The following PIGK variants were observed in gnomAD, a reference collection of about 807,000 sequenced individuals.
PIGK encodes GPI-anchor transamidase.
In PIGK, 42 loss-of-function variants were observed where a neutral mutation model predicts 50.6. That is an observed-to-expected ratio of 0.83 (90% confidence interval 0.65 to 1.07). The LOEUF (loss-of-function observed/expected upper bound fraction) is 1.07, where lower values mean the gene tolerates loss of function less well. PIGK is among the 50% of genes least tolerant of loss of function. The pLI, the probability that PIGK is intolerant of heterozygous loss-of-function variation, is 0.00. For missense variants in PIGK, 448 were observed against 488.7 expected (o/e 0.92, Z 0.78); for synonymous variants, 151 against 156.0 (o/e 0.97, Z 0.24).
In PIGK at chr1:77,147,042, G is replaced by A. The variant is rs539849172; in HGVS notation, c.986+7407C>T. The stretch of plus-strand genomic sequence containing the variant: ...TCACACTGCTGACAAAGACACACTC[G>A]AGACTGGGAAGAAAAATAGGTTTAA... On this transcript the variant is annotated intron_variant, in intron 9 of 10. Coordinates refer to ENST00000370812, the MANE Select transcript of PIGK (RefSeq NM_005482.3). 3.3e-5 allele frequency among the ~76,000 whole-genome samples: 5 copies of A among 151,332 alleles called. No individual in the cohort carries two copies. The South Asian group carries it at 6.3e-4, about 19-fold the overall frequency.
At chr1:77,198,037 A>G (rs968557503) in intron 3 of PIGK, among the ~76,000 whole-genome samples, 1 of 152,144 alleles carries the variant, frequency 6.6e-6, no homozygotes, top group Non-Finnish European at 1.5e-5. Context: ...GCTCTAAAGA[A>G]AGCTTATTAA....
intron 10 of PIGK, among the ~76,000 whole-genome samples, chr1:77,103,587 G>A (rs1653599558): frequency 6.6e-6 from 1 of 152,216 alleles, no homozygotes; most frequent in South Asian, 2.1e-4. Flanking sequence ...AAACAAATGA[G>A]TCCTTTAATT....
intron 3 of PIGK, among the ~76,000 whole-genome samples, chr1:77,181,720 C>A (rs1007976004): frequency 1.7e-4 from 26 of 152,228 alleles, no homozygotes; most frequent in African/African-American, 6.3e-4. Context: ...TGTTGCTTTT[C>A]CCCCTGACAC....
In PIGK at chr1:77,204,620, G is replaced by A. The variant is rs538960065; in HGVS notation, c.239+2020C>T. ...CCTGCCGACATGTGATGTCTCCCCT[G>A]GACATCCAGCTTTAAAATTTCTCCC... is the stretch of plus-strand genomic sequence containing the variant. On this transcript the variant is annotated intron_variant, in intron 3 of 10. Transcript: ENST00000370812. Among the ~76,000 whole-genome samples the A allele has an allele frequency of 5.3e-4, 81 of 151,882 alleles. 1 individual carries two copies. Among genetic ancestry groups the A allele is most frequent in the South Asian group, 3.7e-3 (18 of 4,808 alleles).
At chr1:77,106,277 A>AC (rs1169260555) in intron 10 of PIGK, among the ~76,000 whole-genome samples, 1 of 152,136 alleles carries the variant, frequency 6.6e-6, no homozygotes, top group Admixed American at 6.5e-5. Flanking sequence ...ACATGCTTTC[A>AC]AGTGGAAAAG....
chr1:77,093,581 A>G (rs1447971725), intron 10 of PIGK, among the ~76,000 whole-genome samples: 1 of 152,136 alleles, frequency 6.6e-6, no homozygotes, highest in African/African-American at 2.4e-5. Context: ...TTTTAACTTG[A>G]ATCATAATTC....
chr1:77,153,745 A>G (rs1459928438), intron 9 of PIGK: 1 of 152,236 alleles, frequency 6.6e-6, no homozygotes, highest in East Asian at 1.9e-4. Flanking sequence ...AAATTTTGAA[A>G]ATTGCTGTAA....
chr1:77,167,540 T>C (rs953434200), intron 4 of PIGK, among the ~76,000 whole-genome samples: 4 of 152,074 alleles, frequency 2.6e-5, no homozygotes, highest in African/African-American at 9.7e-5. Flanking sequence ...GGCCAAGTGT[T>C]CAAAAACAGC....
At chr1:77,172,070 A>AT (rs34115617) in intron 3 of PIGK, among the ~76,000 whole-genome samples, 35,247 of 130,838 alleles carry the variant, frequency 0.27, 5,611 homozygotes, top group Non-Finnish European at 0.36. Context: ...TCTACATTTA[A>AT]TTTTTTTTTT....
At position 77,159,922 on chromosome 1, in the gene PIGK, G is replaced by A. The variant is rs532474234; in HGVS notation, c.813+1373C>T. ...AGTTAAGACTTTGGAGTACTGTTGGGAAGGCACGATTGGTTTTGAAATACG... is the reference window on the plus strand; with the variant it reads ...AGTTAAGACTTTGGAGTACTGTTGGAAAGGCACGATTGGTTTTGAAATACG... On this transcript the variant is annotated intron_variant, in intron 8 of 10. Transcript: ENST00000370812. Among the ~76,000 whole-genome samples, 5 of 152,298 alleles carry A rather than the reference G, an allele frequency of 3.3e-5. No homozygotes were observed. In the East Asian group the frequency reaches 7.7e-4, roughly 24 times the overall value.
At chr1:77,153,953 A>G (rs1447567858) in intron 9 of PIGK, 1 of 154,270 alleles carries the variant, frequency 6.5e-6, no homozygotes, top group Non-Finnish European at 1.4e-5. Context: ...TTACAGAGAA[A>G]ATAAAACAAA....
At chr1:77,169,999 C>T (rs1379202908) in intron 3 of PIGK, among the ~76,000 whole-genome samples, 2 of 152,142 alleles carry the variant, frequency 1.3e-5, no homozygotes, top group Admixed American at 6.5e-5. Flanking sequence ...ATTTCCCTAA[C>T]ACCAGCAACC....
At chr1:77,197,453 A>G (rs1656061995) in intron 3 of PIGK, among the ~76,000 whole-genome samples, 1 of 152,208 alleles carries the variant, frequency 6.6e-6, no homozygotes, top group South Asian at 2.1e-4. Context: ...TGTTCTACAG[A>G]CTATTCTGAA....
chr1:77,114,739 A>G (rs190272458), intron 10 of PIGK, among the ~76,000 whole-genome samples: 1 of 152,322 alleles, frequency 6.6e-6, no homozygotes, highest in East Asian at 1.9e-4. Flanking sequence ...GTTAATTTAT[A>G]TTAATTTAAA....
chr1:77,172,742 T>C (rs1176321879), intron 3 of PIGK, among the ~76,000 whole-genome samples: 1 of 151,836 alleles, frequency 6.6e-6, no homozygotes, highest in Non-Finnish European at 1.5e-5. Context: ...GCTAACACGG[T>C]GAAACCCCGT....
At chr1:77,118,714 A>G (rs1654031986) in intron 10 of PIGK, among the ~76,000 whole-genome samples, 1 of 152,170 alleles carries the variant, frequency 6.6e-6, no homozygotes, top group African/African-American at 2.4e-5. Context: ...TCTCAGCATA[A>G]TTTATTGAAT....
At chr1:77,219,226 G>A in intron 1 of PIGK, 84 bp downstream of exon 1, 1 of 1,131,534 alleles carries the variant, frequency 8.8e-7, no homozygotes, top group South Asian at 1.3e-5. Context: ...TCCAGGAGGC[G>A]TCCCTCAGCT....
intron 3 of PIGK, among the ~76,000 whole-genome samples, chr1:77,205,460 A>G (rs557319639): frequency 6.6e-6 from 1 of 151,734 alleles, no homozygotes; most frequent in Non-Finnish European, 1.5e-5. Context: ...ATCTATTCAC[A>G]AAGACTGTAA....
chr1:77,112,182 T>A (rs1653862621), intron 10 of PIGK, among the ~76,000 whole-genome samples: 1 of 139,968 alleles, frequency 7.1e-6, no homozygotes, highest in South Asian at 2.2e-4. Context: ...TCCTTTTATA[T>A]AAAATGTGAC....
Sources: allele counts gnomAD v4.1 joint callset (sites outside exome capture counted in the v4.1 genomes callset), GRCh38; gene constraint gnomAD v4.1.1; transcripts MANE v1.5; gene names NCBI Gene and HGNC (gene_info 2026-07-23, HGNC 2026-07-21).